Variants in TTC3 observed in about 807,000 individuals in gnomAD.
TTC3 encodes the protein tetratricopeptide repeat domain 3, also known as E3 ubiquitin-protein ligase TTC3.
In TTC3, 180 loss-of-function variants were observed where a neutral mutation model predicts 249.6. The observed-to-expected ratio is 0.72, with a 90% CI of 0.64 to 0.82. The LOEUF (loss-of-function observed/expected upper bound fraction) is 0.82. Ranked by LOEUF, TTC3 falls within the 40% of genes least tolerant of loss-of-function variation. The pLI, the probability that TTC3 is intolerant of heterozygous loss-of-function variation, is 0.00. For missense variants in TTC3, 2,061 were observed against 2,398.4 expected (o/e 0.86, Z 2.94); for synonymous variants, 717 against 805.0 (o/e 0.89, Z 1.85).
chr21:37,162,533 A>T (rs1259444070), intron 31 of TTC3, among the ~76,000 whole-genome samples: 2 of 152,226 alleles, frequency 1.3e-5, no homozygotes, highest in Non-Finnish European at 2.9e-5. Flanking sequence ...GTTTTCAATA[A>T]ACAAATATTT....
At chr21:37,096,840 G>C (rs2073993358) in intron 10 of TTC3, 197 bp downstream of exon 10, 4 of 476,650 alleles carry the variant, frequency 8.4e-6, no homozygotes, top group Admixed American at 4.0e-5. Flanking sequence ...ATTGAGTGCA[G>C]ACATATGTTA....
chr21:37,195,417 T>C (rs925972902), intron 41 of TTC3, among the ~76,000 whole-genome samples: 3 of 152,160 alleles, frequency 2.0e-5, no homozygotes, highest in Non-Finnish European at 4.4e-5. Context: ...GGCAAAATGG[T>C]CTCATCTTAC....
At chr21:37,183,787 G>A (rs375829318) in intron 36 of TTC3, among the ~76,000 whole-genome samples, 28 of 152,276 alleles carry the variant, frequency 1.8e-4, no homozygotes, top group African/African-American at 6.5e-4. Flanking sequence ...TTCAAATGGT[G>A]CAGAAGTGGA....
At chr21:37,172,307 CTG>C (rs1459016047) in intron 34 of TTC3, among the ~76,000 whole-genome samples, 1 of 152,110 alleles carries the variant, frequency 6.6e-6, no homozygotes, top group African/African-American at 2.4e-5. Flanking sequence ...TTAAATCAAA[CTG>C]TTGATCTGGT....
chr21:37,151,711 G>C (rs1328250604), intron 25 of TTC3, among the ~76,000 whole-genome samples, 182 bp from the exon 26 acceptor site: 2 of 152,058 alleles, frequency 1.3e-5, no homozygotes, highest in Admixed American at 1.3e-4. Context: ...TGAGGTTTTT[G>C]TTTTCATGAA....
intron 1 of TTC3, chr21:37,073,378 C>T: frequency 2.0e-6 from 2 of 983,082 alleles, no homozygotes; most frequent in South Asian, 4.5e-5. Flanking sequence ...AGTGCACACC[C>T]GGCGCGCTGC....
rs1001564784 is a variant in TTC3, at chr21:37,122,595, C to T, written c.1064-388C>T. Among the ~76,000 whole-genome samples the T allele has an allele frequency of 4.0e-5, 6 of 151,858 alleles. 1 individual carries two copies. Among genetic ancestry groups the T allele is most frequent in the Non-Finnish European group, 7.4e-5 (5 of 67,976 alleles). ...TAGTCTACATTTTTAGTGTATGAGT[C>T]TTTCCTGCTTTTTCTTCTTCGGGTT... On this transcript the variant is annotated intron_variant, in intron 12 of 45. Coordinates refer to ENST00000355666, the Ensembl canonical transcript of TTC3.
intron 21 of TTC3, among the ~76,000 whole-genome samples, chr21:37,146,511 G>T: frequency 6.6e-6 from 1 of 151,516 alleles, no homozygotes; most frequent in African/African-American, 2.4e-5. Context: ...AGAGTGAGAC[G>T]CTGTCTCAAA....
chr21:37,073,296 T>TGGCGGCGGC (rs879750802), exon 1 of TTC3: 11 of 253,810 alleles, frequency 4.3e-5, no homozygotes, highest in Middle Eastern at 1.8e-3. Flanking sequence ...GGGCCGGAGG[T>TGGCGGCGGC]GGCGGCGGCG....
intron 28 of TTC3, among the ~76,000 whole-genome samples, chr21:37,158,419 A>G (rs1454576043): frequency 2.6e-5 from 4 of 152,224 alleles, no homozygotes; most frequent in South Asian, 2.1e-4. Context: ...GGCAATCCCA[A>G]TGGATTCTCA....
chr21:37,166,631 A>C lies in TTC3; in HGVS notation c.4401+16A>C. On this transcript the variant is annotated intron_variant, in intron 33 of 45. Coordinates refer to ENST00000355666, the Ensembl canonical transcript of TTC3. ...TGCCATACAGGTAAGAGTTAAATAG[A>C]AAAGTCTTCTTAATACTGAAGTTAA... 6.3e-7 allele frequency: 1 copy of C among 1,582,710 alleles called. No homozygotes were observed. Among genetic ancestry groups the C allele is most frequent in the Non-Finnish European group, 8.6e-7 (1 of 1,162,998 alleles).
exon 4 of TTC3, chr21:37,088,326 G>A (rs754254290): frequency 3.1e-6 from 5 of 1,612,450 alleles, no homozygotes; most frequent in African/African-American, 1.3e-5. Context: ...TATCACGATT[G>A]CATCCCTGTG....
intron 15 of TTC3, among the ~76,000 whole-genome samples, chr21:37,127,218 C>T (rs2077105828): frequency 6.6e-6 from 1 of 152,162 alleles, no homozygotes; most frequent in African/African-American, 2.4e-5. Context: ...GACCTAATTC[C>T]TCCCAAAGGT....
chr21:37,201,487 G>C, exon 46 of TTC3: 6 of 1,614,040 alleles, frequency 3.7e-6, no homozygotes, highest in Non-Finnish European at 5.1e-6. Flanking sequence ...CGGCCTGCCA[G>C]GGTCGTGATC....
chr21:37,199,015 C>G (rs1409712156), intron 44 of TTC3, among the ~76,000 whole-genome samples: 1 of 152,180 alleles, frequency 6.6e-6, no homozygotes, highest in Non-Finnish European at 1.5e-5. Flanking sequence ...AATGGCTCTT[C>G]CCCGGTCTGG....
chr21:37,141,418 C>T (rs1433865677), intron 20 of TTC3, among the ~76,000 whole-genome samples: 1 of 151,590 alleles, frequency 6.6e-6, no homozygotes. Flanking sequence ...GGAATCCCCC[C>T]CCCAGCCATC....
At chr21:37,093,544 A>G (rs1222803605) in intron 7 of TTC3, 1 of 152,838 alleles carries the variant, frequency 6.5e-6, no homozygotes, top group Non-Finnish European at 1.5e-5. Flanking sequence ...CTCAATCTTT[A>G]TATTAAATAG....
intron 8 of TTC3, among the ~76,000 whole-genome samples, chr21:37,094,997 A>G (rs546846946): frequency 6.6e-6 from 1 of 152,008 alleles, no homozygotes; most frequent in Admixed American, 6.6e-5. Flanking sequence ...TTAGCTTGGC[A>G]TGGTGGGGTG....
At chr21:37,094,895 A>T in intron 8 of TTC3, among the ~76,000 whole-genome samples, 1 of 152,152 alleles carries the variant, frequency 6.6e-6, no homozygotes, top group Non-Finnish European at 1.5e-5. Context: ...GTACTTTGGG[A>T]GGTCGAGGTG....
Sources: gnomAD v4.1 joint callset for allele counts (sites outside exome capture counted in the v4.1 genomes callset) on GRCh38, gnomAD v4.1.1 for gene constraint, MANE v1.5 for transcripts, NCBI Gene and HGNC (gene_info 2026-07-23, HGNC 2026-07-21) for gene names.